The following HTR2A variants were observed in gnomAD, a reference collection of about 807,000 sequenced individuals.
The protein encoded by HTR2A is 5-HT2 receptor.
HTR2A carries 14 observed loss-of-function variants against 31.0 expected under a neutral mutation model. That is an observed-to-expected ratio of 0.45 (90% CI 0.30 to 0.71). HTR2A has a LOEUF of 0.71. Ranked by LOEUF, HTR2A falls within the 30% of genes least tolerant of loss-of-function variation. HTR2A has a pLI of 0.09. For missense variants in HTR2A, 442 were observed against 573.3 expected (o/e 0.77, Z 2.34); for synonymous variants, 209 against 225.2 (o/e 0.93, Z 0.64).
chr13:46,898,005 C>T (rs372886278), upstream of HTR2A, among the ~76,000 whole-genome samples: 1 of 152,140 alleles, frequency 6.6e-6, no homozygotes, highest in African/African-American at 2.4e-5. Flanking sequence ...CTGTTATCCG[C>T]GACTCTTCCT....
At chr13:46,881,696 C>T (rs1190393143) in intron 3 of HTR2A, among the ~76,000 whole-genome samples, 2 of 152,162 alleles carry the variant, frequency 1.3e-5, no homozygotes, top group Non-Finnish European at 2.9e-5. Flanking sequence ...TAGTCTCTGA[C>T]ATGTACTTCT....
intron 3 of HTR2A, among the ~76,000 whole-genome samples, chr13:46,880,715 T>C (rs915252978): frequency 6.6e-6 from 1 of 152,076 alleles, no homozygotes; most frequent in Non-Finnish European, 1.5e-5. Context: ...GGCGGGCACC[T>C]GTAATCCCAG....
chr13:46,857,777 G>A (rs182343686), intron 3 of HTR2A, among the ~76,000 whole-genome samples: 1 of 152,318 alleles, frequency 6.6e-6, no homozygotes, highest in Admixed American at 6.5e-5. Context: ...AATTTGATAT[G>A]AGGTAAGGAT....
rs1250182685 is a variant in HTR2A, at chr13:46,835,051, T to C, written c.1202A>G (p.Glu401Gly). The C allele has an allele frequency of 1.2e-6, 2 of 1,614,050 alleles. No individual in the cohort carries two copies. Among genetic ancestry groups the C allele is most frequent in the Non-Finnish European group, 1.7e-6 (2 of 1,180,012 alleles). Residue 401 changes from glutamate to glycine, a missense_variant, in exon 4 of 4, where the codon GAA becomes GGA. This residue lies in a region of HTR2A where 88 missense variants were observed against 83.1 expected (regional missense o/e 1.06). Coordinates refer to ENST00000542664, the MANE Select transcript of HTR2A (RefSeq NM_000621.5). ...FSRYIQCQYK[E>G]NKKPLQLILV... ...AATTAACTGCAATGGTTTTTTGTTT[T>C]CCTTGTACTGACACTGAATATACCG...
At chr13:46,888,146 C>G (rs1189052389) in intron 3 of HTR2A, among the ~76,000 whole-genome samples, 3 of 151,416 alleles carry the variant, frequency 2.0e-5, no homozygotes, top group East Asian at 3.9e-4. Context: ...GTTTAGCATA[C>G]ATGAGATTGG....
At chr13:46,889,360 G>A (rs773606921) in intron 3 of HTR2A, among the ~76,000 whole-genome samples, 74 of 152,108 alleles carry the variant, frequency 4.9e-4, no homozygotes, top group Non-Finnish European at 9.4e-4. Context: ...AGTTAGAAAT[G>A]TAACTTAAAA....
chr13:46,890,706 T>C (rs1951046152), intron 3 of HTR2A, among the ~76,000 whole-genome samples: 1 of 152,172 alleles, frequency 6.6e-6, no homozygotes, highest in South Asian at 2.1e-4. Flanking sequence ...AGCATTTGTC[T>C]CACCAATGGC....
intron 3 of HTR2A, among the ~76,000 whole-genome samples, chr13:46,879,152 G>T (rs925259031): frequency 6.6e-6 from 1 of 152,184 alleles, no homozygotes; most frequent in African/African-American, 2.4e-5. Flanking sequence ...GCTTGGCAGT[G>T]CTCCTCTCCT....
intron 2 of HTR2A, among the ~76,000 whole-genome samples, chr13:46,894,267 G>A (rs1291276595): frequency 1.3e-5 from 2 of 152,142 alleles, no homozygotes; most frequent in African/African-American, 4.8e-5. Flanking sequence ...CCCCAAGCGG[G>A]TGACGCCGGG....
intron 3 of HTR2A, among the ~76,000 whole-genome samples, chr13:46,844,491 A>C (rs979260442): frequency 2.6e-5 from 4 of 152,230 alleles, no homozygotes; most frequent in African/African-American, 7.2e-5. Context: ...AGGGAGGCAC[A>C]TATAGGATTA....
chr13:46,887,058 T>C (rs1451806261), intron 3 of HTR2A, among the ~76,000 whole-genome samples: 2 of 152,172 alleles, frequency 1.3e-5, no homozygotes, highest in African/African-American at 4.8e-5. Context: ...AAGACTCCAC[T>C]CTGGAGAAAG....
chr13:46,838,882 A>G (rs1439488068), intron 3 of HTR2A, among the ~76,000 whole-genome samples: 1 of 152,160 alleles, frequency 6.6e-6, no homozygotes, highest in African/African-American at 2.4e-5. Context: ...AGTAATGTAC[A>G]TAAGTGGCAA....
intron 3 of HTR2A, among the ~76,000 whole-genome samples, chr13:46,839,868 A>G (rs972169478): frequency 3.4e-4 from 51 of 152,188 alleles, no homozygotes; most frequent in African/African-American, 1.2e-3. Flanking sequence ...GGCTGCATCA[A>G]TAATTCACTT....
rs1951109329 is a variant in HTR2A at position 46,896,836 on chromosome 13, A to G, written c.-491T>C. 1 of 1,536,878 alleles carries G rather than the reference A, an allele frequency of 6.5e-7. No individual in the cohort carries two copies. Among genetic ancestry groups the G allele is most frequent in the Non-Finnish European group, 8.7e-7 (1 of 1,146,792 alleles). ...TTTGCTGACTTCAAAAACTGCATGC[A>G]AGAGCTGAGCCAGCTCCCGCACTGC... On this transcript the variant is annotated 5_prime_UTR_variant, in exon 1 of 4. Transcript: ENST00000542664.
rs1272019885 is a variant in HTR2A, at chr13:46,876,412, T to A, written c.613+15978A>T. ...TATATATATATATATATATTTTTTT[T>A]TTTTTTTTTTTTTTTGAGACAGAGT... On this transcript the variant is annotated intron_variant, in intron 3 of 3. Transcript: ENST00000542664. 9.8e-3 allele frequency among the ~76,000 whole-genome samples: 1,026 copies of A among 105,224 alleles called. 6 individuals carry two copies. The highest frequency in any genetic ancestry group is 0.034 in the African/African-American group (926 of 27,540). 69.0% of individuals were successfully genotyped at this position (105,224 alleles called of 152,430 possible). A position where few individuals can be genotyped will look rare whatever the true frequency, so the allele number is the denominator to read the frequency against.
intron 3 of HTR2A, among the ~76,000 whole-genome samples, chr13:46,847,599 G>A (rs1338917202): frequency 2.0e-5 from 3 of 152,156 alleles, no homozygotes; most frequent in Non-Finnish European, 2.9e-5. Context: ...CAATTAGCTT[G>A]GCACAGGTTT....
chr13:46,889,345 A>C (rs139856754), intron 3 of HTR2A, among the ~76,000 whole-genome samples: 1 of 152,322 alleles, frequency 6.6e-6, no homozygotes, highest in East Asian at 1.9e-4. Flanking sequence ...TGCAATAACT[A>C]TAGAAGTTAG....
At chr13:46,892,718 T>C in intron 2 of HTR2A, 128 bp from the exon 3 acceptor site, 1 of 707,078 alleles carries the variant, frequency 1.4e-6, no homozygotes, top group Admixed American at 2.7e-5. Context: ...CAATATATTT[T>C]TAGTATTTGA....
intron 3 of HTR2A, among the ~76,000 whole-genome samples, chr13:46,873,342 T>G (rs2138229720): frequency 6.6e-6 from 1 of 151,526 alleles, no homozygotes; most frequent in Non-Finnish European, 1.5e-5. Flanking sequence ...AGCGAATCTT[T>G]AAATTTCAAA....
Sources: allele counts gnomAD v4.1 joint callset (sites outside exome capture counted in the v4.1 genomes callset), GRCh38; gene constraint gnomAD v4.1.1; regional missense constraint gnomAD v4.1.1; transcripts MANE v1.5; gene names NCBI Gene and HGNC (gene_info 2026-07-23, HGNC 2026-07-21).